Variants in KIF1B observed in about 807,000 individuals in gnomAD.
KIF1B encodes kinesin family member 1B.
Under a neutral mutation model 241.9 loss-of-function variants are expected in KIF1B, and 76 were observed. That is an observed-to-expected ratio of 0.31 (90% CI 0.26 to 0.38). The LOEUF (loss-of-function observed/expected upper bound fraction) is 0.38, where lower values mean the gene tolerates loss of function less well. Among genes scored for constraint, KIF1B ranks in the 10% least tolerant of loss-of-function variants. KIF1B has a pLI of 1.00. For synonymous variants in KIF1B, 750 were observed against 796.7 expected, an observed-to-expected ratio of 0.94 and a Z score of 0.99; for missense variants, 1,622 against 2,271.4, an observed-to-expected ratio of 0.71 and a Z score of 5.81.
At chr1:10,272,203 ATTC>A (rs964422442) in intron 8 of KIF1B, 35 bp from the exon 9 acceptor site, 6 of 1,103,560 alleles carry the variant, frequency 5.4e-6, no homozygotes, top group African/African-American at 3.1e-5. Context: ...AGTAGTAGAA[ATTC>A]TTCATCATTC....
At chr1:10,263,052 G>T (rs1342616907) in intron 5 of KIF1B, among the ~76,000 whole-genome samples, 1 of 152,076 alleles carries the variant, frequency 6.6e-6, no homozygotes, top group Non-Finnish European at 1.5e-5. Context: ...ACTTCGGGAG[G>T]CGAATGGATC....
At chr1:10,360,033 AAAAAT>A (rs1019374666) in intron 38 of KIF1B, among the ~76,000 whole-genome samples, 1 of 151,746 alleles carries the variant, frequency 6.6e-6, no homozygotes, top group Non-Finnish European at 1.5e-5. Context: ...ACTCCGTCTC[AAAAAT>A]AAAATAAAAT....
At chr1:10,256,443 G>T in intron 3 of KIF1B, 120 bp downstream of exon 3, 1 of 763,094 alleles carries the variant, frequency 1.3e-6, no homozygotes, top group South Asian at 1.4e-5. Context: ...TGTGTAGCAT[G>T]AGTTCATTCT....
At chr1:10,238,900 A>G (rs1173634643) in intron 2 of KIF1B, among the ~76,000 whole-genome samples, 2 of 152,144 alleles carry the variant, frequency 1.3e-5, no homozygotes, top group African/African-American at 4.8e-5. Flanking sequence ...TAACCACAGC[A>G]TACTGCTGCT....
At position 10,363,429 on chromosome 1, in the gene KIF1B, C is replaced by G. The variant is rs565439803; in HGVS notation, c.4366+85C>G. ...TATTTAGGCTGGGCACGGTGGCACA[C>G]ACCTGTAATCCCAGCGCTTTGGGAG... On this transcript the variant is annotated intron_variant, in intron 41 of 48. Transcript: ENST00000676179. 98 of 1,153,812 alleles carry G rather than the reference C, an allele frequency of 8.5e-5. No individual in the cohort carries two copies. The East Asian group carries it at 2.3e-3, about 27-fold the overall frequency. The allele number at this position is 1,153,812 out of a possible 1,614,324, so 71.5% of individuals were successfully genotyped here.
chr1:10,247,253 A>G lies in KIF1B; in HGVS notation c.107-8994A>G, dbSNP rs1441765457. Among the ~76,000 whole-genome samples, 4 of 152,174 alleles carry G rather than the reference A, an allele frequency of 2.6e-5. No homozygotes were observed. The East Asian group carries it at 5.8e-4, about 22-fold the overall frequency. The stretch of plus-strand genomic sequence containing the variant: ...CCTCTGGCTAGCTATCTGATTTCAC[A>G]TTTGATCATTGTTTGCCCACCTGGC... On this transcript the variant is annotated intron_variant, in intron 2 of 48. Transcript: ENST00000676179.
rs1638898943 is a variant in KIF1B at position 10,376,695 on chromosome 1, T to TA, written c.*110dup. On this transcript the variant is annotated 3_prime_UTR_variant, in exon 49 of 49. Transcript: ENST00000676179. ...GACTCTTGTATGTAATCCTGTGGCTTAACTACTTCTCCCTCCTTGTCCAGC... is the reference window on the plus strand; with the variant it reads ...GACTCTTGTATGTAATCCTGTGGCTTAAACTACTTCTCCCTCCTTGTCCAGC... 1.8e-6 allele frequency: 2 copies of TA among 1,114,626 alleles called. No individual in the cohort carries two copies. The highest frequency in any genetic ancestry group is 3.1e-5 in the African/African-American group (2 of 65,250). 69.0% of individuals were successfully genotyped at this position (1,114,626 alleles called of 1,614,324 possible). A position where few individuals can be genotyped will look rare whatever the true frequency, so the allele number is the denominator to read the frequency against.
intron 14 of KIF1B, among the ~76,000 whole-genome samples, chr1:10,280,225 CT>C (rs900285654): frequency 6.6e-6 from 1 of 150,998 alleles, no homozygotes; most frequent in Non-Finnish European, 1.5e-5. Context: ...TGAGTTATTT[CT>C]TTTTTTTTCT....
intron 39 of KIF1B, among the ~76,000 whole-genome samples, 163 bp downstream of exon 39, chr1:10,361,206 T>C (rs942906219): frequency 3.9e-5 from 6 of 152,228 alleles, no homozygotes; most frequent in African/African-American, 1.4e-4. Flanking sequence ...CTTCTGATTA[T>C]ATTAGACTCT....
chr1:10,227,091 AG>A (rs1291951958), intron 1 of KIF1B, among the ~76,000 whole-genome samples: 1 of 128,926 alleles, frequency 7.8e-6, no homozygotes, highest in African/African-American at 3.0e-5. Flanking sequence ...GCTGGAGTGC[AG>A]TGGTGCGATC....
In KIF1B at chr1:10,303,675, G is replaced by A. The variant is rs1275802777; in HGVS notation, c.2115+6429G>A. 9 of 1,614,042 alleles carry A rather than the reference G, an allele frequency of 5.6e-6. No homozygotes were observed. On this transcript the variant is annotated intron_variant, in intron 22 of 48. Transcript: ENST00000676179. The surrounding 1 kb of genome is among the most constrained non-coding windows in gnomAD (Gnocchi z 5.2). ...ATATAGACAAGCTGGAAGATATTTT[G>A]CAAGAAGTCAAAAAGCAAAATAACA...
At chr1:10,220,160 AG>A (rs1646822568) in intron 1 of KIF1B, among the ~76,000 whole-genome samples, 1 of 147,992 alleles carries the variant, frequency 6.8e-6, no homozygotes, top group African/African-American at 2.5e-5. Context: ...CGAGATCGCG[AG>A]CCATTGCACT....
At chr1:10,215,139 TA>T (rs1219131942) in intron 1 of KIF1B, among the ~76,000 whole-genome samples, 8 of 33,132 alleles carry the variant, frequency 2.4e-4, no homozygotes, top group South Asian at 1.1e-3. Context: ...TTATATATTT[TA>T]TATATATATA....
At chr1:10,252,433 C>T (rs1647510566) in intron 2 of KIF1B, among the ~76,000 whole-genome samples, 1 of 150,208 alleles carries the variant, frequency 6.7e-6, no homozygotes. Context: ...TTACTTGAGA[C>T]AGGGTCTTAG....
At position 10,303,536 on chromosome 1, in the gene KIF1B, C is replaced by G; in HGVS notation, c.2115+6290C>G. ...AAGAAAGACCCCAATGAGCGGGACT[C>G]CTGGAGGGCAGTGGCCAGGGACGTC... On this transcript the variant is annotated intron_variant, in intron 22 of 48. Coordinates refer to ENST00000676179, the MANE Select transcript of KIF1B (RefSeq NM_001365951.3). This position sits in a 1 kb window ranked among gnomAD's most constrained non-coding sequence, Gnocchi z 5.2. 6.2e-7 allele frequency: 1 copy of G among 1,614,126 alleles called. No homozygotes were observed.
At chr1:10,360,784 G>T (rs1459708352) in intron 38 of KIF1B, 145 bp from the exon 39 acceptor site, 1 of 711,452 alleles carries the variant, frequency 1.4e-6, no homozygotes, top group Non-Finnish European at 2.6e-6. Flanking sequence ...GGAGATAAGG[G>T]TTCCTCTCTG....
intron 1 of KIF1B, among the ~76,000 whole-genome samples, chr1:10,215,138 T>A (rs1199859171): frequency 1.0e-4 from 6 of 59,566 alleles, no homozygotes; most frequent in East Asian, 1.0e-3. Flanking sequence ...TTTATATATT[T>A]TATATATATA....
intron 7 of KIF1B, among the ~76,000 whole-genome samples, chr1:10,270,168 G>A (rs894716587): frequency 8.5e-5 from 13 of 152,118 alleles, no homozygotes; most frequent in Admixed American, 4.6e-4. Context: ...TGAAACTAGC[G>A]CCACAATCCA....
At chr1:10,263,623 C>T (rs1424393418) in intron 5 of KIF1B, among the ~76,000 whole-genome samples, 2 of 152,152 alleles carry the variant, frequency 1.3e-5, no homozygotes, top group East Asian at 3.8e-4. Flanking sequence ...TTGTGACTGT[C>T]ATACACCAAA....
Sources: gnomAD v4.1 joint callset for allele counts (sites outside exome capture counted in the v4.1 genomes callset) on GRCh38, gnomAD v4.1.1 for gene constraint, Gnocchi (gnomAD v3.1) non-coding constraint, MANE v1.5 for transcripts, NCBI Gene and HGNC (gene_info 2026-07-23, HGNC 2026-07-21) for gene names.